Variants in BICDL2 observed in about 807,000 individuals in gnomAD.
BICDL2 encodes BICD family-like cargo adapter 2.
Under a neutral mutation model 56.6 loss-of-function variants are expected in BICDL2, and 62 were observed. That is an observed-to-expected ratio of 1.10 (90% CI 0.89 to 1.35). BICDL2 has a LOEUF of 1.35. Ranked by LOEUF, BICDL2 falls within the 40% of genes most tolerant of loss-of-function variation. BICDL2 has a pLI of 0.00. For missense variants in BICDL2, 808 were observed against 684.5 expected (o/e 1.18, Z -2.01); for synonymous variants, 358 against 319.8 (o/e 1.12, Z -1.27).
chr16:3,028,186 G>A lies in BICDL2; in HGVS notation c.1447C>T (p.Arg483Cys). ...CGCAGCGAGAAGCGGGGCGCGGCAC[G>A]GCGCGGGGTCGACGACGACGCGGAG... is the stretch of plus-strand genomic sequence containing the variant. ...SASASSSTPR[R>C]AAPRFSLRLG... is the part of the protein sequence containing the mutation. The change falls in exon 10 of 10, where the codon CGT becomes TGT. Residue 483 changes from arginine to cysteine, a missense_variant. By Grantham distance (180) the Arg-to-Cys change is radical. Coordinates refer to ENST00000572449, the MANE Select transcript of BICDL2 (RefSeq NM_001369667.1). 3 of 1,452,930 alleles carry A rather than the reference G, an allele frequency of 2.1e-6. No individual in the cohort carries two copies. Among genetic ancestry groups the A allele is most frequent in the Non-Finnish European group, 2.7e-6 (3 of 1,112,656 alleles). The allele number at this position is 1,452,930 out of a possible 1,614,324, so 90.0% of individuals were successfully genotyped here.
chr16:3,036,572 CG>C, intron 1 of BICDL2: 1 of 452,314 alleles, frequency 2.2e-6, no homozygotes, highest in Admixed American at 2.4e-5. Flanking sequence ...AGGCCGCTCC[CG>C]GGGACCTCCC....
intron 1 of BICDL2, chr16:3,036,496 C>T: frequency 4.4e-6 from 2 of 456,366 alleles, no homozygotes; most frequent in South Asian, 1.5e-5. Context: ...TCCTCTCGCC[C>T]GGTGTCCATG....
At chr16:3,036,131 C>A in intron 1 of BICDL2, 1 of 398,572 alleles carries the variant, frequency 2.5e-6, no homozygotes, top group Non-Finnish European at 4.9e-6. Context: ...CCAATGTCCC[C>A]CACCAAGGAT....
chr16:3,034,182 C>T (rs115505373), intron 2 of BICDL2, among the ~76,000 whole-genome samples: 274 of 152,320 alleles, frequency 1.8e-3, no homozygotes, highest in African/African-American at 6.4e-3. Flanking sequence ...ATGACTGTCG[C>T]CTGGTGTTCC....
At chr16:3,033,462 C>A (rs1226817547) in intron 2 of BICDL2, among the ~76,000 whole-genome samples, 2 of 151,784 alleles carry the variant, frequency 1.3e-5, no homozygotes, top group African/African-American at 4.8e-5. Context: ...AAAGGGCTTG[C>A]GGATATTGGG....
At chr16:3,029,182 A>C in intron 7 of BICDL2, 98 bp downstream of exon 7, 1 of 1,442,678 alleles carries the variant, frequency 6.9e-7, no homozygotes, top group East Asian at 2.5e-5. Context: ...CGATCCAGGT[A>C]TAGGGAGCTT....
intron 7 of BICDL2, 85 bp from the exon 8 acceptor site, chr16:3,028,915 C>CA (rs975863725): frequency 6.8e-7 from 1 of 1,460,786 alleles, no homozygotes; most frequent in Non-Finnish European, 9.1e-7. Flanking sequence ...TGGCTCTCCC[C>CA]ACCCCTCCTC....
chr16:3,028,676 G>C (rs1208316822), intron 8 of BICDL2, 24 bp downstream of exon 8: 8 of 1,561,534 alleles, frequency 5.1e-6, no homozygotes, highest in Admixed American at 3.8e-5. Context: ...GCGCTGGGGC[G>C]GTGGTCAATG....
chr16:3,028,930 T>C (rs1955605451), intron 7 of BICDL2, 100 bp from the exon 8 acceptor site: 2 of 1,407,970 alleles, frequency 1.4e-6, no homozygotes, highest in Non-Finnish European at 1.9e-6. Context: ...CTCCTCTGCC[T>C]GCGACAGACA....
chr16:3,031,636 G>C (rs1394520946), intron 2 of BICDL2: 1 of 403,570 alleles, frequency 2.5e-6, no homozygotes, highest in Non-Finnish European at 4.4e-6. Context: ...TGACCAGCGG[G>C]GGAATGCCCT....
Position 3,034,689 on chromosome 16 carries a change from CTTCCCCTT to C in BICDL2, c.282+518_282+525del, listed in dbSNP as rs1233775700. Among the ~76,000 whole-genome samples the C allele has an allele frequency of 4.8e-4, 66 of 138,612 alleles. 2 individuals carry two copies. In the East Asian group the frequency reaches 0.011, roughly 23 times the overall value. The allele number at this position is 138,612 out of a possible 152,430, so 90.9% of individuals were successfully genotyped here. A position where few individuals can be genotyped will look rare whatever the true frequency, so the allele number is the denominator to read the frequency against. On this transcript the variant is annotated intron_variant, in intron 2 of 9. Transcript: ENST00000572449. ...CCTTCCTTCCTTCCTTCCTTCCTTCCTTCCCCTTCCTTCCTTCCTTCCTTTTTTTTTTT... is the reference window on the plus strand; with the variant it reads ...CCTTCCTTCCTTCCTTCCTTCCTTCCCCTTCCTTCCTTCCTTTTTTTTTTT...
chr16:3,028,230 C>A lies in BICDL2; in HGVS notation c.1403G>T (p.Arg468Leu), dbSNP rs751547194. The A allele has an allele frequency of 2.0e-6, 3 of 1,471,714 alleles. No individual in the cohort carries two copies. Among genetic ancestry groups the A allele is most frequent in the Non-Finnish European group, 1.8e-6 (2 of 1,123,162 alleles). The allele number at this position is 1,471,714 out of a possible 1,614,324, so 91.2% of individuals were successfully genotyped here. The change falls in exon 10 of 10, where the codon CGC becomes CTC. Residue 468 changes from arginine (R) to leucine (L), a missense_variant. Transcript: ENST00000572449. ...VVIGQQLRSQ[R>L]QKELSASASS... Reference sequence around the variant, plus strand: ...CGCGGAGGCGCTCAGCTCCTTCTGGCGCTGTGAGCGCAGCTGCTGCCCGAT... The same window carrying A: ...CGCGGAGGCGCTCAGCTCCTTCTGGAGCTGTGAGCGCAGCTGCTGCCCGAT...
At chr16:3,028,546 C>G (rs1955593861) in intron 8 of BICDL2, 78 bp from the exon 9 acceptor site, 1 of 1,535,588 alleles carries the variant, frequency 6.5e-7, no homozygotes, top group Non-Finnish European at 8.7e-7. Context: ...ACTTCTGTAC[C>G]CGGGCGGGAG....
rs1263574934 is a variant in BICDL2 at position 3,028,436 on chromosome 16, ACG to A, written c.1269_1270del (p.Val424LeufsTer79). ...AGACAGGGAGTCTCGCTCCAGCGAG[ACG>A]CGGTTGAGCTGCAGGGACAGCTCCA... On this transcript the variant is annotated frameshift_variant, in exon 9 of 10. Transcript: ENST00000572449. LOFTEE classifies it high-confidence loss of function. 1 of 1,563,336 alleles carries A rather than the reference ACG, an allele frequency of 6.4e-7. No individual in the cohort carries two copies. Among genetic ancestry groups the A allele is most frequent in the Admixed American group, 1.9e-5 (1 of 53,872 alleles).
intron 2 of BICDL2, 173 bp from the exon 3 acceptor site, chr16:3,031,323 A>C: frequency 1.6e-6 from 1 of 614,896 alleles, no homozygotes. Context: ...AGCAAGACCC[A>C]GAGATTTAGA....
chr16:3,028,321 G>A, intron 9 of BICDL2, 27 bp downstream of exon 9: 1 of 1,012,544 alleles, frequency 9.9e-7, no homozygotes, highest in Non-Finnish European at 1.5e-6. Flanking sequence ...CCCTTGCCCC[G>A]CCCCGCACAC....
rs1214829915 is a variant in BICDL2, at chr16:3,029,271, C to A, written c.1107+9G>T. On this transcript the variant is annotated intron_variant, in intron 7 of 9. Transcript: ENST00000572449. ...GGCCGTGCATCCAGCACCGTGCCCT[C>A]TGCCCCACCTCATCTTGCAGCTTGG... 5.6e-6 allele frequency: 9 copies of A among 1,609,102 alleles called. 1 individual carries two copies. Among genetic ancestry groups the A allele is most frequent in the South Asian group, 2.2e-5 (2 of 90,270 alleles).
chr16:3,031,790 A>G (rs1955660571), intron 2 of BICDL2: 1 of 368,206 alleles, frequency 2.7e-6, no homozygotes, highest in Middle Eastern at 6.9e-4. Context: ...GGTACCCTGC[A>G]TTAGGGCTCT....
intron 2 of BICDL2, among the ~76,000 whole-genome samples, chr16:3,033,955 G>A (rs146731149): frequency 6.6e-6 from 1 of 152,280 alleles, no homozygotes; most frequent in Non-Finnish European, 1.5e-5. Flanking sequence ...CTGGTGGAGA[G>A]GGTTAGCTAC....
Sources: gnomAD v4.1 joint callset for allele counts (sites outside exome capture counted in the v4.1 genomes callset) on GRCh38, gnomAD v4.1.1 for gene constraint, MANE v1.5 for transcripts, NCBI Gene and HGNC (gene_info 2026-07-23, HGNC 2026-07-21) for gene names.